The following CD247 variants were observed in gnomAD, a reference collection of about 807,000 sequenced individuals.
CD247 encodes T-cell surface glycoprotein CD3 zeta chain.
Under a neutral mutation model 30.0 loss-of-function variants are expected in CD247, and 13 were observed. That is an observed-to-expected ratio of 0.43 (90% CI 0.28 to 0.69). CD247 has a LOEUF of 0.69. Among genes scored for constraint, CD247 ranks in the 30% least tolerant of loss-of-function variants. The pLI is 0.16. For missense variants in CD247, 193 were observed against 212.6 expected (o/e 0.91, Z 0.57); for synonymous variants, 72 against 80.0 (o/e 0.90, Z 0.53).
chr1:167,433,951 G>A lies in CD247; in HGVS notation c.393+69C>T, dbSNP rs35674953. 8.1e-3 allele frequency: 10,846 copies of A among 1,340,550 alleles called. 57 individuals carry two copies. Among genetic ancestry groups the A allele is most frequent in the Non-Finnish European group, 9.8e-3 (9,145 of 930,330 alleles). 83.0% of individuals were successfully genotyped at this position (1,340,550 alleles called of 1,614,324 possible). On this transcript the variant is annotated intron_variant, in intron 6 of 7. Coordinates refer to ENST00000362089, the MANE Select transcript of CD247 (RefSeq NM_198053.3). ...GGGATGAGAAGTGGATGGGAAAGGA[G>A]GCCTGCAGCAGGCGTGTCTGGAGGA...
intron 1 of CD247, among the ~76,000 whole-genome samples, chr1:167,501,964 G>A (rs1344549214): frequency 6.6e-6 from 1 of 152,236 alleles, no homozygotes; most frequent in Non-Finnish European, 1.5e-5. Flanking sequence ...AAATGTGCAG[G>A]CAATGTTTTT....
chr1:167,463,378 C>A (rs528643193), intron 1 of CD247, among the ~76,000 whole-genome samples: 1 of 152,280 alleles, frequency 6.6e-6, no homozygotes, highest in South Asian at 2.1e-4. Context: ...ATTCCTGCCT[C>A]CCTTCTGACT....
At chr1:167,511,154 A>G (rs1655371163) in intron 1 of CD247, among the ~76,000 whole-genome samples, 1 of 152,210 alleles carries the variant, frequency 6.6e-6, no homozygotes, top group African/African-American at 2.4e-5. Context: ...CCAGTCCTGG[A>G]GGAGTTAGTG....
At chr1:167,447,186 A>G (rs965414609) in intron 1 of CD247, among the ~76,000 whole-genome samples, 11 of 152,326 alleles carry the variant, frequency 7.2e-5, no homozygotes, top group Non-Finnish European at 1.5e-4. Context: ...AACCTTGCAC[A>G]ATACGGGCAG....
At chr1:167,509,568 G>A (rs1035363597) in intron 1 of CD247, among the ~76,000 whole-genome samples, 4 of 152,116 alleles carry the variant, frequency 2.6e-5, no homozygotes, top group African/African-American at 9.7e-5. Flanking sequence ...AAGAACTGGT[G>A]AGAATTTGGG....
chr1:167,478,054 G>A (rs1653823271), intron 1 of CD247, among the ~76,000 whole-genome samples: 1 of 152,212 alleles, frequency 6.6e-6, no homozygotes, highest in South Asian at 2.1e-4. Context: ...CCTTTCTTCT[G>A]GGCTGTGCTC....
Position 167,507,415 on chromosome 1 carries a change from T to G in CD247, c.58+10993A>C, listed in dbSNP as rs1012009389. Among the ~76,000 whole-genome samples, 19 of 152,192 alleles carry G rather than the reference T, an allele frequency of 1.2e-4. 1 individual carries two copies. Among genetic ancestry groups the G allele is most frequent in the African/African-American group, 4.6e-4 (19 of 41,452 alleles). ...AGCAACTCAATACTGTCTTCCTTTG[T>G]TGATCATTCCACATAGAATTTTAGA... On this transcript the variant is annotated intron_variant, in intron 1 of 7. Transcript: ENST00000362089.
chr1:167,479,370 G>T (rs1357022468), intron 1 of CD247, among the ~76,000 whole-genome samples: 1 of 152,158 alleles, frequency 6.6e-6, no homozygotes. Flanking sequence ...AAACTAAAAA[G>T]ACATTTTTAA....
chr1:167,472,700 T>C (rs1293633708), intron 1 of CD247, among the ~76,000 whole-genome samples: 4 of 152,100 alleles, frequency 2.6e-5, no homozygotes, highest in Non-Finnish European at 5.9e-5. Context: ...TTTAAAGAAG[T>C]AAAATCAAAG....
At chr1:167,507,196 G>C (rs574316724) in intron 1 of CD247, among the ~76,000 whole-genome samples, 1 of 151,896 alleles carries the variant, frequency 6.6e-6, no homozygotes, top group East Asian at 1.9e-4. Flanking sequence ...TGAGATTACA[G>C]GTGTAAGCCA....
intron 1 of CD247, among the ~76,000 whole-genome samples, chr1:167,473,896 C>G (rs1653638623): frequency 6.6e-6 from 1 of 152,144 alleles, no homozygotes; most frequent in African/African-American, 2.4e-5. Context: ...GGAAATTAAC[C>G]ACTACACTCT....
intron 1 of CD247, among the ~76,000 whole-genome samples, chr1:167,509,695 A>G (rs1655306417): frequency 6.6e-6 from 1 of 152,156 alleles, no homozygotes; most frequent in African/African-American, 2.4e-5. Flanking sequence ...TTTGACCCTG[A>G]ATTCTGAGAA....
At chr1:167,456,333 C>T (rs1652669558) in intron 1 of CD247, among the ~76,000 whole-genome samples, 1 of 152,188 alleles carries the variant, frequency 6.6e-6, no homozygotes, top group Non-Finnish European at 1.5e-5. Context: ...AGGGAAGTGG[C>T]TGAGTTGACA....
chr1:167,499,231 G>A (rs1654810048), intron 1 of CD247, among the ~76,000 whole-genome samples: 1 of 152,154 alleles, frequency 6.6e-6, no homozygotes. Context: ...GTAGAGGTCA[G>A]GGATGCTGCT....
At chr1:167,475,565 A>G (rs1171404472) in intron 1 of CD247, among the ~76,000 whole-genome samples, 1 of 152,226 alleles carries the variant, frequency 6.6e-6, no homozygotes. Flanking sequence ...TGGTGTCACC[A>G]AAAGAAAGAG....
chr1:167,496,465 G>A (rs935106995), intron 1 of CD247, among the ~76,000 whole-genome samples: 1 of 152,188 alleles, frequency 6.6e-6, no homozygotes, highest in South Asian at 2.1e-4. Flanking sequence ...GCCTGAGAGG[G>A]GATCTGCTTA....
chr1:167,435,342 C>G, intron 5 of CD247, 57 bp downstream of exon 5: 1 of 1,323,814 alleles, frequency 7.6e-7, no homozygotes, highest in Non-Finnish European at 1.1e-6. Context: ...CTCTGGAGCC[C>G]TCCTCCAGCC....
At chr1:167,491,294 C>G (rs865946945) in intron 1 of CD247, among the ~76,000 whole-genome samples, 1 of 152,090 alleles carries the variant, frequency 6.6e-6, no homozygotes, top group African/African-American at 2.4e-5. Flanking sequence ...ACTGGCCGGG[C>G]GCAGTGGCTC....
intron 4 of CD247, 52 bp from the exon 5 acceptor site, chr1:167,435,486 C>T (rs1651503986): frequency 1.4e-6 from 2 of 1,451,968 alleles, no homozygotes; most frequent in East Asian, 2.3e-5. Flanking sequence ...AAACCCAAGC[C>T]ATGAAAGTAC....
Sources: gnomAD v4.1 joint callset for allele counts (sites outside exome capture counted in the v4.1 genomes callset) on GRCh38, gnomAD v4.1.1 for gene constraint, MANE v1.5 for transcripts, NCBI Gene and HGNC (gene_info 2026-07-23, HGNC 2026-07-21) for gene names.